The following ADAMTS5 variants were observed in gnomAD, a reference collection of about 807,000 sequenced individuals.
The protein encoded by ADAMTS5 is ADAM metallopeptidase with thrombospondin type 1 motif 5.
A neutral mutation model predicts 81.4 loss-of-function variants in ADAMTS5; 54 were observed. The observed-to-expected ratio is 0.66, with a 90% confidence interval of 0.53 to 0.83. ADAMTS5 has a LOEUF of 0.83. Among genes scored for constraint, ADAMTS5 ranks in the 40% least tolerant of loss-of-function variants. The probability of loss-of-function intolerance (pLI) is 0.00; values close to 1 mark genes in which losing one functional copy is unlikely to be tolerated. For missense variants in ADAMTS5, 1,194 were observed against 1,229.9 expected (o/e 0.97, Z 0.44); for synonymous variants, 532 against 508.8 (o/e 1.05, Z -0.61).
Position 26,934,314 on chromosome 21 carries a change from T to C in ADAMTS5, c.1689+152A>G, listed in dbSNP as rs1986969131. Reference sequence around the variant, plus strand: ...ATCTCGGATCACTGAGAATGGCTACTGCGGGTAAAAGAAGAAGCTCTAAAT... The same window carrying C: ...ATCTCGGATCACTGAGAATGGCTACCGCGGGTAAAAGAAGAAGCTCTAAAT... On this transcript the variant is annotated intron_variant, in intron 4 of 7. Coordinates refer to ENST00000284987, the MANE Select transcript of ADAMTS5 (RefSeq NM_007038.5). 3.0e-6 allele frequency: 3 copies of C among 990,538 alleles called. No homozygotes were observed. In the South Asian group the frequency reaches 5.3e-5, roughly 17 times the overall value. 61.4% of individuals were successfully genotyped at this position (990,538 alleles called of 1,614,324 possible). A position where few individuals can be genotyped will look rare whatever the true frequency, so the allele number is the denominator to read the frequency against.
chr21:26,924,923 T>A (rs938055524), intron 7 of ADAMTS5, among the ~76,000 whole-genome samples: 1 of 152,220 alleles, frequency 6.6e-6, no homozygotes. Flanking sequence ...ACCATTTTCA[T>A]CCTTATCAGA....
At chr21:26,937,441 T>C (rs1421201987) in intron 3 of ADAMTS5, among the ~76,000 whole-genome samples, 1 of 152,222 alleles carries the variant, frequency 6.6e-6, no homozygotes, top group Non-Finnish European at 1.5e-5. Flanking sequence ...ATGTTCTCAG[T>C]ACTAGGATTT....
chr21:26,960,793 T>A (rs1987515772), intron 1 of ADAMTS5, among the ~76,000 whole-genome samples: 2 of 152,204 alleles, frequency 1.3e-5, no homozygotes, highest in South Asian at 4.1e-4. Flanking sequence ...GTTATTATCT[T>A]CTCCAAACTA....
chr21:26,924,178 T>C lies in ADAMTS5; in HGVS notation c.2668A>G (p.Thr890Ala). 6.2e-7 allele frequency: 1 copy of C among 1,614,196 alleles called. No homozygotes were observed. Among genetic ancestry groups the C allele is most frequent in the Non-Finnish European group, 8.5e-7 (1 of 1,180,022 alleles). ...VTGPWLACSRTCDTGWHTRTV... is the reference protein window; with the variant it reads ...VTGPWLACSRACDTGWHTRTV... ...CTGGTGTGCCAACCTGTGTCACAGGTCCTAGAGCAGGCGAGCCATGGGCCC... is the reference window on the plus strand; with the variant it reads ...CTGGTGTGCCAACCTGTGTCACAGGCCCTAGAGCAGGCGAGCCATGGGCCC... The change falls in exon 8 of 8, where the codon ACC (threonine) becomes GCC (alanine). Residue 890 changes from threonine (T) to alanine (A), a missense_variant. Transcript: ENST00000284987.
rs542156640 is a variant in ADAMTS5 at position 26,919,914 on chromosome 21, T to G, written c.*4139A>C. 1 of 152,222 alleles carries G rather than the reference T, an allele frequency of 6.6e-6. No individual in the cohort carries two copies. Among genetic ancestry groups the G allele is most frequent in the African/African-American group, 2.4e-5 (1 of 41,554 alleles). 9.4% of individuals were successfully genotyped at this position (152,222 alleles called of 1,614,324 possible). On this transcript the variant is annotated 3_prime_UTR_variant, in exon 8 of 8. Coordinates refer to ENST00000284987, the MANE Select transcript of ADAMTS5 (RefSeq NM_007038.5). ...AATGATACATTGTCTTGAATTTGGT[T>G]CTATTAAAGCTTTAAATGACCATTT... is the stretch of plus-strand genomic sequence containing the variant.
Position 26,965,433 on chromosome 21 carries a change from A to T in ADAMTS5, c.959T>A (p.Val320Glu). 1 of 1,614,230 alleles carries T rather than the reference A, an allele frequency of 6.2e-7. No individual in the cohort carries two copies. Among genetic ancestry groups the T allele is most frequent in the Non-Finnish European group, 8.5e-7 (1 of 1,180,042 alleles). Reference sequence around the variant, plus strand: ...CAGGCTCTTGTCCTTGTCGCCTAGCACCACCACCTTCACCACGGCCAGGCG... The same window carrying T: ...CAGGCTCTTGTCCTTGTCGCCTAGCTCCACCACCTTCACCACGGCCAGGCG... Reference protein sequence around the residue: ...HIRLAVVKVVVLGDKDKSLEV... With the variant: ...HIRLAVVKVVELGDKDKSLEV... Residue 320 changes from valine (V) to glutamate (E), a missense_variant, in exon 1 of 8, where the codon GTG becomes GAG. Physicochemically the swap from Val to Glu is moderately radical, Grantham distance 121 (BLOSUM62 -2). This residue lies in a region of ADAMTS5 where 696 missense variants were observed against 817.6 expected (regional missense o/e 0.85). Transcript: ENST00000284987.
Position 26,964,236 on chromosome 21 carries a change from A to C in ADAMTS5, c.1104+1052T>G, listed in dbSNP as rs150363149. Among the ~76,000 whole-genome samples, 792 of 152,328 alleles carry C rather than the reference A, an allele frequency of 5.2e-3. 3 individuals carry two copies. Among genetic ancestry groups the C allele is most frequent in the Non-Finnish European group, 8.4e-3 (570 of 68,032 alleles). On this transcript the variant is annotated intron_variant, in intron 1 of 7. Coordinates refer to ENST00000284987, the MANE Select transcript of ADAMTS5 (RefSeq NM_007038.5). ...GGCACAACTTAAAACTGCCAATCAG[A>C]GTCGAGTTGTGACAACTGAGGCTTA...
chr21:26,947,846 T>A (rs1451612899), intron 2 of ADAMTS5, among the ~76,000 whole-genome samples: 1 of 152,190 alleles, frequency 6.6e-6, no homozygotes, highest in East Asian at 1.9e-4. Context: ...TCATGCTGAG[T>A]GTCTGTCAGC....
intron 2 of ADAMTS5, among the ~76,000 whole-genome samples, chr21:26,945,194 G>C (rs758614974): frequency 7.3e-5 from 11 of 150,642 alleles, no homozygotes; most frequent in Non-Finnish European, 1.3e-4. Flanking sequence ...TATTAGAAAT[G>C]ACTTAAAGTT....
chr21:26,947,864 A>G (rs1568847647), intron 2 of ADAMTS5, among the ~76,000 whole-genome samples: 1 of 152,260 alleles, frequency 6.6e-6, no homozygotes, highest in East Asian at 1.9e-4. Context: ...AGCAAGTAAC[A>G]TCAGAAAGGA....
Position 26,924,426 on chromosome 21 carries a change from T to A in ADAMTS5, c.2420A>T (p.Asn807Ile). ...TIIDINGTVM[N>I]YSGWSHRDDF... is the part of the protein sequence containing the mutation. ...ATCCCTGTGGCTCCAACCGCTATAGTTCATGACTGTTCCATTGATGTCAAT... is the reference window on the plus strand; with the variant it reads ...ATCCCTGTGGCTCCAACCGCTATAGATCATGACTGTTCCATTGATGTCAAT... Residue 807 changes from asparagine to isoleucine, a missense_variant, in exon 8 of 8, where the codon AAC becomes ATC. Asn to Ile is a moderately radical substitution (Grantham distance 149, BLOSUM62 -3). Coordinates refer to ENST00000284987, the MANE Select transcript of ADAMTS5 (RefSeq NM_007038.5). The A allele has an allele frequency of 6.2e-7, 1 of 1,614,236 alleles. No homozygotes were observed. Among genetic ancestry groups the A allele is most frequent in the Non-Finnish European group, 8.5e-7 (1 of 1,180,040 alleles).
intron 2 of ADAMTS5, among the ~76,000 whole-genome samples, chr21:26,953,246 CAG>C (rs1279482483): frequency 2.6e-5 from 4 of 152,202 alleles, no homozygotes; most frequent in African/African-American, 9.6e-5. Flanking sequence ...AACCCAGAGA[CAG>C]AGCTGGGACT....
chr21:26,947,038 G>C (rs1176696369), intron 2 of ADAMTS5, among the ~76,000 whole-genome samples: 1 of 152,222 alleles, frequency 6.6e-6, no homozygotes, highest in Non-Finnish European at 1.5e-5. Flanking sequence ...ACTATCTGCT[G>C]TCAGGATTTA....
chr21:26,934,466 T>C lies in ADAMTS5; in HGVS notation c.1689A>G (p.Ser563=). 6.2e-7 allele frequency: 1 copy of C among 1,614,142 alleles called. No homozygotes were observed. Among genetic ancestry groups the C allele is most frequent in the Non-Finnish European group, 8.5e-7 (1 of 1,179,990 alleles). Residue 563 remains serine (S), a splice_region_variant and synonymous_variant, in exon 4 of 8, where the codon TCA becomes TCG. Coordinates refer to ENST00000284987, the MANE Select transcript of ADAMTS5 (RefSeq NM_007038.5). ...ATTGACTGATGAGAAAATCACTTAC[T>C]GAATAATATTTTTTCTTGGTTTTGT... ...CVDKTKKKYY[S]TSSHGNWGSW... is the part of the protein sequence containing the mutation.
rs999194167 is a variant in ADAMTS5, at chr21:26,919,932, G to A, written c.*4121C>T. Reference sequence around the variant, plus strand: ...ATTTGGTTCTATTAAAGCTTTAAATGACCATTTCTGTACACATGGCTATTT... The same window carrying A: ...ATTTGGTTCTATTAAAGCTTTAAATAACCATTTCTGTACACATGGCTATTT... On this transcript the variant is annotated 3_prime_UTR_variant, in exon 8 of 8. Transcript: ENST00000284987. 2.0e-5 allele frequency: 3 copies of A among 152,016 alleles called. No individual in the cohort carries two copies. Among genetic ancestry groups the A allele is most frequent in the African/African-American group, 7.2e-5 (3 of 41,396 alleles). The allele number at this position is 152,016 out of a possible 1,614,324, so 9.4% of individuals were successfully genotyped here.
intron 2 of ADAMTS5, among the ~76,000 whole-genome samples, chr21:26,944,676 G>A (rs1987180429): frequency 6.6e-6 from 1 of 152,092 alleles, no homozygotes; most frequent in Non-Finnish European, 1.5e-5. Context: ...GTAGCAAACT[G>A]ATGACTACAT....
In ADAMTS5 at chr21:26,923,095, T is replaced by C. The variant is rs949931161; in HGVS notation, c.*958A>G. The C allele has an allele frequency of 9.2e-5, 14 of 152,178 alleles. No individual in the cohort carries two copies. The highest frequency in any genetic ancestry group is 3.4e-4 in the African/African-American group (14 of 41,444). 9.4% of individuals were successfully genotyped at this position (152,178 alleles called of 1,614,324 possible). ...GACATGATAGAAAACTTGCTGTGTG[T>C]TTTGTACGTATATCATACATTGTGA... On this transcript the variant is annotated 3_prime_UTR_variant, in exon 8 of 8. Transcript: ENST00000284987.
intron 2 of ADAMTS5, among the ~76,000 whole-genome samples, chr21:26,945,343 T>A (rs1227341675): frequency 1.3e-5 from 2 of 152,156 alleles, no homozygotes; most frequent in Non-Finnish European, 2.9e-5. Flanking sequence ...AGAAGAAAAG[T>A]GTCCCCAAGT....
chr21:26,935,178 A>C (rs999626959), intron 3 of ADAMTS5, among the ~76,000 whole-genome samples: 7 of 152,000 alleles, frequency 4.6e-5, no homozygotes, highest in Non-Finnish European at 1.0e-4. Context: ...TGTCCTTGGC[A>C]CTCTATCTGT....
Sources: allele counts gnomAD v4.1 joint callset (sites outside exome capture counted in the v4.1 genomes callset), GRCh38; gene constraint gnomAD v4.1.1; regional missense constraint gnomAD v4.1.1; transcripts MANE v1.5; gene names NCBI Gene and HGNC (gene_info 2026-07-23, HGNC 2026-07-21).